Variants in SCFD1 observed in about 807,000 individuals in gnomAD.
The protein encoded by SCFD1 is sec1 family domain-containing protein 1.
A neutral mutation model predicts 103.2 loss-of-function variants in SCFD1; 37 were observed. The ratio of observed to expected loss-of-function variants is 0.36; its 90% CI spans 0.28 to 0.47. The LOEUF is 0.47. Ranked by LOEUF, SCFD1 falls within the 20% of genes least tolerant of loss-of-function variation. The pLI is 1.00. For synonymous variants in SCFD1, 264 were observed against 245.0 expected (o/e 1.08, Z -0.73); for missense variants, 639 against 761.2 (o/e 0.84, Z 1.89).
Position 30,638,265 on chromosome 14 carries a change from G to C in SCFD1, c.435+18G>C. ...TAGCCAAGGTAAGAGAGTTTGGTGG[G>C]TTGATGACATTTTGTCAATGTAAAA... On this transcript the variant is annotated intron_variant, in intron 5 of 24. Transcript: ENST00000458591. 2 of 1,612,646 alleles carry C rather than the reference G, an allele frequency of 1.2e-6. No individual in the cohort carries two copies. Among genetic ancestry groups the C allele is most frequent in the Non-Finnish European group, 8.5e-7 (1 of 1,179,170 alleles).
chr14:30,673,811 T>C (rs1888771975), intron 12 of SCFD1, 113 bp from the exon 13 acceptor site: 3 of 731,966 alleles, frequency 4.1e-6, no homozygotes, highest in Non-Finnish European at 7.2e-6. Flanking sequence ...GACTTAAAAA[T>C]CTTACGGTAT....
chr14:30,726,442 C>A (rs931794916), intron 23 of SCFD1, among the ~76,000 whole-genome samples: 2 of 152,076 alleles, frequency 1.3e-5, no homozygotes, highest in Non-Finnish European at 2.9e-5. Flanking sequence ...TCATATGAAC[C>A]TCACCAATGA....
intron 21 of SCFD1, chr14:30,721,562 C>A: frequency 7.8e-6 from 2 of 255,688 alleles, no homozygotes; most frequent in Admixed American, 5.8e-5. Flanking sequence ...AAATATATGC[C>A]TTATCCATTC....
chr14:30,670,520 T>A, intron 11 of SCFD1, 125 bp downstream of exon 11: 1 of 568,508 alleles, frequency 1.8e-6, no homozygotes, highest in Non-Finnish European at 3.0e-6. Context: ...GTGGGGGCTG[T>A]AATTAGATAG....
At chr14:30,704,911 A>G (rs577818805) in intron 17 of SCFD1, among the ~76,000 whole-genome samples, 2 of 152,314 alleles carry the variant, frequency 1.3e-5, no homozygotes, top group Admixed American at 6.5e-5. Context: ...TTAGAAGACT[A>G]TACACCAACA....
chr14:30,629,002 A>G (rs938593705), intron 2 of SCFD1, among the ~76,000 whole-genome samples: 4 of 152,328 alleles, frequency 2.6e-5, no homozygotes, highest in African/African-American at 4.8e-5. Context: ...TATTGATTTC[A>G]TAGTTTAAGC....
intron 23 of SCFD1, among the ~76,000 whole-genome samples, chr14:30,731,989 C>T (rs914791117): frequency 2.0e-5 from 3 of 151,984 alleles, no homozygotes; most frequent in African/African-American, 7.3e-5. Context: ...TGGCTGTGGG[C>T]TTGTCATAAA....
intron 10 of SCFD1, chr14:30,658,088 G>A: frequency 2.2e-6 from 1 of 455,464 alleles, no homozygotes; most frequent in South Asian, 1.6e-5. Flanking sequence ...TGCAGGAGAG[G>A]TGGATTTGAT....
rs1883736794 is a variant in SCFD1, at chr14:30,628,299, G to A, written c.132+20G>A. 1 of 1,533,208 alleles carries A rather than the reference G, an allele frequency of 6.5e-7. No individual in the cohort carries two copies. 95.0% of individuals were successfully genotyped at this position (1,533,208 alleles called of 1,614,324 possible). A position where few individuals can be genotyped will look rare whatever the true frequency, so the allele number is the denominator to read the frequency against. ...TGGAAGGTAAGAGTTTATCTTAATG[G>A]GAACTGATTTCTGTTTTTCTCAGCC... On this transcript the variant is annotated intron_variant, in intron 2 of 24. Transcript: ENST00000458591.
Position 30,665,818 on chromosome 14 carries a change from G to A in SCFD1, c.856-4438G>A, listed in dbSNP as rs187139716. Among the ~76,000 whole-genome samples, 68 of 152,174 alleles carry A rather than the reference G, an allele frequency of 4.5e-4. No homozygotes were observed. In the East Asian group the frequency reaches 0.013, roughly 28 times the overall value. ...AGAAGGCCATTACATAATGGTAAAG[G>A]GATCAATTCAACAAGAAGAGCTAAC... On this transcript the variant is annotated intron_variant, in intron 10 of 24. Transcript: ENST00000458591.
chr14:30,623,057 T>C (rs1403682403), intron 1 of SCFD1, among the ~76,000 whole-genome samples: 1 of 152,228 alleles, frequency 6.6e-6, no homozygotes, highest in Non-Finnish European at 1.5e-5. Flanking sequence ...AAAAGGCACA[T>C]ATTCTTCTCT....
Position 30,651,197 on chromosome 14 carries a change from C to T in SCFD1, c.755+547C>T, listed in dbSNP as rs148380435. On this transcript the variant is annotated intron_variant, in intron 9 of 24. Transcript: ENST00000458591. ...AATGGAGTAAAGAAGTAAAGAAACC[C>T]ACTCAAATGGCTGAGAATTGTTTAA... Among the ~76,000 whole-genome samples the T allele has an allele frequency of 3.7e-3, 557 of 152,074 alleles. 7 individuals are homozygous for T. Among genetic ancestry groups the T allele is most frequent in the African/African-American group, 0.013 (527 of 41,490 alleles).
intron 2 of SCFD1, among the ~76,000 whole-genome samples, chr14:30,629,699 T>A (rs1445443725): frequency 6.6e-6 from 1 of 151,786 alleles, no homozygotes; most frequent in Non-Finnish European, 1.5e-5. Flanking sequence ...TTCCTCAGCC[T>A]TCAGAGTAGC....
chr14:30,722,197 A>G (rs1208381214), intron 22 of SCFD1, among the ~76,000 whole-genome samples: 3 of 152,186 alleles, frequency 2.0e-5, no homozygotes, highest in Admixed American at 6.5e-5. Flanking sequence ...TTGTGAAGAT[A>G]CTATGACTGT....
rs770463513 is a variant in SCFD1 at position 30,673,342 on chromosome 14, A to G, written c.1081A>G (p.Ile361Val). 3 of 1,512,628 alleles carry G rather than the reference A, an allele frequency of 2.0e-6. No individual in the cohort carries two copies. Among genetic ancestry groups the G allele is most frequent in the Non-Finnish European group, 2.7e-6 (3 of 1,095,454 alleles). The allele number at this position is 1,512,628 out of a possible 1,614,324, so 93.7% of individuals were successfully genotyped here. The change falls in exon 12 of 25, where the codon ATT (isoleucine) becomes GTT (valine). Residue 361 changes from isoleucine (I) to valine (V), a missense_variant. Coordinates refer to ENST00000458591, the MANE Select transcript of SCFD1 (RefSeq NM_016106.4). ...AGATGAGGTCAAACGACTTAAAAGC[A>G]TTATGGTAAGATTCTATTTGCTTTC... The part of the protein sequence containing the change: ...QEDEVKRLKS[I>V]MGLEGEDEGA...
At chr14:30,723,210 T>A (rs1236639828) in intron 23 of SCFD1, among the ~76,000 whole-genome samples, 3 of 152,084 alleles carry the variant, frequency 2.0e-5, no homozygotes, top group Non-Finnish European at 4.4e-5. Flanking sequence ...GCCCTAATAA[T>A]GGTAGAGGGT....
rs770886232 is a variant in SCFD1 at position 30,650,598 on chromosome 14, G to A, written c.703G>A (p.Asp235Asn). ...LDKKLRENLRDARNSLFTGDT... is the reference protein window; with the variant it reads ...LDKKLRENLRNARNSLFTGDT... ...CAAGAAACTTCGAGAAAATCTAAGA[G>A]ATGCAAGAAACAGTCTTTTTACAGG... is the stretch of plus-strand genomic sequence containing the variant. Residue 235 changes from aspartate to asparagine, a missense_variant, in exon 9 of 25, where the codon GAT (aspartate) becomes AAT (asparagine). Transcript: ENST00000458591. The A allele has an allele frequency of 1.2e-6, 2 of 1,610,576 alleles. No homozygotes were observed. The highest frequency in any genetic ancestry group is 2.2e-5 in the South Asian group (2 of 90,834).
intron 16 of SCFD1, among the ~76,000 whole-genome samples, chr14:30,701,634 T>C (rs1177671034): frequency 6.6e-6 from 1 of 152,234 alleles, no homozygotes; most frequent in Non-Finnish European, 1.5e-5. Flanking sequence ...AAAATATTTT[T>C]CTTAAGAATA....
intron 10 of SCFD1, among the ~76,000 whole-genome samples, chr14:30,655,053 G>C (rs887728397): frequency 6.6e-6 from 1 of 152,166 alleles, no homozygotes; most frequent in Non-Finnish European, 1.5e-5. Context: ...TAGCTTTCCT[G>C]TCTTTCTAGA....
Sources: allele counts gnomAD v4.1 joint callset (sites outside exome capture counted in the v4.1 genomes callset), GRCh38; gene constraint gnomAD v4.1.1; transcripts MANE v1.5; gene names NCBI Gene and HGNC (gene_info 2026-07-23, HGNC 2026-07-21).